The following CCDC138 variants were observed in gnomAD, a reference collection of about 807,000 sequenced individuals.
CCDC138 encodes coiled-coil domain containing 138, also known as coiled-coil domain-containing protein 138.
In CCDC138, 66 loss-of-function variants were observed where a neutral mutation model predicts 82.3. The observed-to-expected ratio is 0.80, with a 90% CI of 0.66 to 0.98. The LOEUF (loss-of-function observed/expected upper bound fraction) is 0.98, where lower values mean the gene tolerates loss of function less well. CCDC138 is among the 50% of genes least tolerant of loss of function. CCDC138 has a pLI of 0.00. For missense variants in CCDC138, 816 were observed against 758.9 expected, an observed-to-expected ratio of 1.08 and a Z score of -0.88; for synonymous variants, 297 against 265.4, an observed-to-expected ratio of 1.12 and a Z score of -1.16.
At chr2:108,854,990 T>A (rs1051211388) in intron 12 of CCDC138, among the ~76,000 whole-genome samples, 1 of 152,206 alleles carries the variant, frequency 6.6e-6, no homozygotes, top group African/African-American at 2.4e-5. Flanking sequence ...AGTTTGAAGT[T>A]TGACTTTTGT....
At chr2:108,855,787 T>C (rs1317431521) in intron 12 of CCDC138, among the ~76,000 whole-genome samples, 1 of 152,208 alleles carries the variant, frequency 6.6e-6, no homozygotes, top group African/African-American at 2.4e-5. Flanking sequence ...ACTTATTATG[T>C]AAGCTGAAAC....
chr2:108,867,246 A>AT (rs1361170537), intron 13 of CCDC138, among the ~76,000 whole-genome samples: 3 of 152,188 alleles, frequency 2.0e-5, no homozygotes, highest in African/African-American at 7.2e-5. Context: ...GAAGAAGAAG[A>AT]GGTGGACACA....
intron 11 of CCDC138, among the ~76,000 whole-genome samples, chr2:108,842,701 T>C (rs1221822854): frequency 6.6e-6 from 1 of 152,078 alleles, no homozygotes; most frequent in Non-Finnish European, 1.5e-5. Context: ...GAATCAAACA[T>C]ATTTAGGAAC....
chr2:108,808,897 C>A (rs188694252), intron 7 of CCDC138, among the ~76,000 whole-genome samples: 1 of 152,000 alleles, frequency 6.6e-6, no homozygotes, highest in Non-Finnish European at 1.5e-5. Flanking sequence ...TTTGCCCAGG[C>A]GATTGTCGTG....
chr2:108,873,812 A>G (rs1261663806), intron 14 of CCDC138, among the ~76,000 whole-genome samples: 1 of 152,210 alleles, frequency 6.6e-6, no homozygotes, highest in Non-Finnish European at 1.5e-5. Flanking sequence ...GTTGGGCCAC[A>G]TTCAAAGCCA....
rs538579672 is a variant in CCDC138, at chr2:108,792,803, G to A, written c.394+1001G>A. ...GCGTCGGCCAGGCGCGGTGGCTCAC[G>A]CCTGTAATCCCAGCACTTTGGGAGG... On this transcript the variant is annotated intron_variant, in intron 4 of 14. Coordinates refer to ENST00000295124, the MANE Select transcript of CCDC138 (RefSeq NM_144978.3). Among the ~76,000 whole-genome samples, 106 of 152,284 alleles carry A rather than the reference G, an allele frequency of 7.0e-4. 1 individual carries two copies. Among genetic ancestry groups the A allele is most frequent in the Non-Finnish European group, 1.9e-4 (13 of 68,022 alleles).
intron 5 of CCDC138, among the ~76,000 whole-genome samples, chr2:108,795,796 A>G (rs1038192443): frequency 6.6e-6 from 1 of 152,206 alleles, no homozygotes; most frequent in African/African-American, 2.4e-5. Flanking sequence ...CCAATTGTGC[A>G]TTTATTAGCC....
chr2:108,871,029 A>G lies in CCDC138; in HGVS notation c.1694-2422A>G, dbSNP rs554994111. On this transcript the variant is annotated intron_variant, in intron 13 of 14. Transcript: ENST00000295124. ...AACTTCTAGAACTCAAAAAATTGAA[A>G]TGAACCTCATTATTTAGAAATAGCC... is the stretch of plus-strand genomic sequence containing the variant. 2.2e-4 allele frequency among the ~76,000 whole-genome samples: 34 copies of G among 152,222 alleles called. 1 individual carries two copies. In the South Asian group the frequency reaches 4.4e-3, roughly 19 times the overall value.
At chr2:108,803,893 A>T (rs1229468944) in intron 6 of CCDC138, among the ~76,000 whole-genome samples, 1 of 152,210 alleles carries the variant, frequency 6.6e-6, no homozygotes, top group African/African-American at 2.4e-5. Flanking sequence ...TAGATATGGA[A>T]AAAGTTGGAC....
At chr2:108,860,615 C>T (rs537764315) in intron 13 of CCDC138, among the ~76,000 whole-genome samples, 3 of 151,262 alleles carry the variant, frequency 2.0e-5, no homozygotes, top group South Asian at 4.2e-4. Flanking sequence ...TACTGATTTG[C>T]GTATATTGAA....
At chr2:108,833,894 A>ATTTTTTTTTTTTTTTT (rs749488565) in intron 10 of CCDC138, among the ~76,000 whole-genome samples, 2 of 79,218 alleles carry the variant, frequency 2.5e-5, no homozygotes, top group Non-Finnish European at 4.5e-5. Context: ...CGCCCGGCTA[A>ATTTTTTTTTTTTTTTT]TTTTTTTTTT....
At chr2:108,841,131 T>C (rs1306782108) in intron 11 of CCDC138, among the ~76,000 whole-genome samples, 3 of 152,150 alleles carry the variant, frequency 2.0e-5, no homozygotes, top group Non-Finnish European at 4.4e-5. Flanking sequence ...CCACCGTGTC[T>C]GGCTCAACCC....
intron 13 of CCDC138, among the ~76,000 whole-genome samples, chr2:108,864,589 A>T (rs1028866720): frequency 2.0e-5 from 3 of 152,068 alleles, no homozygotes; most frequent in Admixed American, 6.5e-5. Context: ...CGAGGTTAGG[A>T]GATCGAGAGC....
chr2:108,825,691 C>A (rs1296529516), intron 10 of CCDC138, among the ~76,000 whole-genome samples: 2 of 151,988 alleles, frequency 1.3e-5, no homozygotes, highest in African/African-American at 2.4e-5. Flanking sequence ...TTTTATTTAC[C>A]CATATCACTT....
chr2:108,791,127 C>G (rs1207104882), intron 3 of CCDC138, among the ~76,000 whole-genome samples: 2 of 151,934 alleles, frequency 1.3e-5, no homozygotes, highest in East Asian at 3.8e-4. Context: ...ATTATATTAA[C>G]TAATATTTTT....
intron 12 of CCDC138, 81 bp from the exon 13 acceptor site, chr2:108,856,713 G>A (rs1409554527): frequency 3.1e-6 from 4 of 1,288,760 alleles, no homozygotes; most frequent in Non-Finnish European, 4.3e-6. Flanking sequence ...TTAAAGTAAC[G>A]ACATTGCTTT....
intron 13 of CCDC138, among the ~76,000 whole-genome samples, chr2:108,869,898 G>T (rs1263557714): frequency 6.6e-6 from 1 of 152,120 alleles, no homozygotes; most frequent in Admixed American, 6.5e-5. Flanking sequence ...AACACGCAAA[G>T]AAAGGATGAA....
At position 108,856,796 on chromosome 2, in the gene CCDC138, G is replaced by A; in HGVS notation, c.1519G>A (p.Asp507Asn). 1 of 1,612,356 alleles carries A rather than the reference G, an allele frequency of 6.2e-7. No homozygotes were observed. Among genetic ancestry groups the A allele is most frequent in the Admixed American group, 1.7e-5 (1 of 59,664 alleles). ...LIVLKTVTQA[D>N]YLAQAFDSLC... ...GATTGTACATAACTATTTTCCAGCT[G>A]ATTACCTGGCTCAGGCATTTGATTC... Residue 507 changes from aspartate (D) to asparagine (N), a missense_variant and splice_region_variant, in exon 13 of 15, where the codon GAT becomes AAT. Transcript: ENST00000295124.
Position 108,835,652 on chromosome 2 carries a change from G to A in CCDC138, c.1207-3533G>A, listed in dbSNP as rs953105015. 2.2e-4 allele frequency among the ~76,000 whole-genome samples: 34 copies of A among 152,046 alleles called. 1 individual carries two copies. Among genetic ancestry groups the A allele is most frequent in the Admixed American group, 3.3e-4 (5 of 15,256 alleles). On this transcript the variant is annotated intron_variant, in intron 10 of 14. Coordinates refer to ENST00000295124, the MANE Select transcript of CCDC138 (RefSeq NM_144978.3). ...CCCATATAATTTCTCAAACTGTGACGAAAACATAAAAAATTTATTATCTTA... is the reference window on the plus strand; with the variant it reads ...CCCATATAATTTCTCAAACTGTGACAAAAACATAAAAAATTTATTATCTTA...
Sources: allele counts gnomAD v4.1 joint callset (sites outside exome capture counted in the v4.1 genomes callset), GRCh38; gene constraint gnomAD v4.1.1; transcripts MANE v1.5; gene names NCBI Gene and HGNC (gene_info 2026-07-23, HGNC 2026-07-21).